The following ELAVL3 variants were observed in gnomAD, a reference collection of about 807,000 sequenced individuals.
ELAVL3 encodes the protein ELAV like RNA binding protein 3, also known as ELAV-like protein 3.
ELAVL3 carries 8 observed loss-of-function variants against 34.2 expected under a neutral mutation model. That is an observed-to-expected ratio of 0.23 (90% CI 0.14 to 0.42). The LOEUF is 0.42. Among genes scored for constraint, ELAVL3 ranks in the 10% least tolerant of loss-of-function variants. The pLI is 1.00. For synonymous variants in ELAVL3, 209 were observed against 222.1 expected (o/e 0.94, Z 0.53); for missense variants, 273 against 518.8 (o/e 0.53, Z 4.60).
At chr19:11,459,101 C>T (rs1280446505) in intron 3 of ELAVL3, among the ~76,000 whole-genome samples, 1 of 151,806 alleles carries the variant, frequency 6.6e-6, no homozygotes. Flanking sequence ...GCGCCCACCA[C>T]CACGCCTGAC....
rs554385350 is a variant in ELAVL3 at position 11,451,629 on chromosome 19, C to T, written c.*2897G>A. 6.6e-6 allele frequency: 1 copy of T among 151,772 alleles called. No individual in the cohort carries two copies. The allele number at this position is 151,772 out of a possible 1,614,324, so 9.4% of individuals were successfully genotyped here. ...GAGCCCCCTCCCCCCTGGCCTGGCC[C>T]CTGCCCCCCAGGGACGTGGAAGCCC... On this transcript the variant is annotated 3_prime_UTR_variant, in exon 7 of 7. Coordinates refer to ENST00000359227, the MANE Select transcript of ELAVL3 (RefSeq NM_001420.4).
chr19:11,465,669 AG>A (rs910418623), intron 3 of ELAVL3, among the ~76,000 whole-genome samples: 11 of 152,144 alleles, frequency 7.2e-5, no homozygotes, highest in South Asian at 6.2e-4. Context: ...GAACCCAGAG[AG>A]GGGGGTTTCC....
rs1970819432 is a variant in ELAVL3 at position 11,458,594 on chromosome 19, G to A, written c.351C>T (p.Pro117=). The change falls in exon 4 of 7, where the codon CCC becomes CCT. Residue 117 remains proline (P), a synonymous_variant. Transcript: ENST00000359227. This position sits in a 1 kb window ranked among gnomAD's most constrained non-coding sequence, Gnocchi z 7.3. ...TKTIKVSYAR[P]SSASIRDANL... The stretch of plus-strand genomic sequence containing the variant: ...TAGCATCCCGGATGGATGCTGAACT[G>A]GGTCTGGCATAGGACACCTGGGTGA... 1.9e-6 allele frequency: 3 copies of A among 1,613,894 alleles called. No individual in the cohort carries two copies. The highest frequency in any genetic ancestry group is 2.5e-6 in the Non-Finnish European group (3 of 1,180,004).
At position 11,451,470 on chromosome 19, in the gene ELAVL3, T is replaced by TC; in HGVS notation, c.*3055_*3056insG. 1 of 151,440 alleles carries TC rather than the reference T, an allele frequency of 6.6e-6. No individual in the cohort carries two copies. The highest frequency in any genetic ancestry group is 2.1e-4 in the South Asian group (1 of 4,828). The allele number at this position is 151,440 out of a possible 1,614,324, so 9.4% of individuals were successfully genotyped here. ...GCGAAGTGTTCTTGTTGGGTTTTTT[T>TC]TTTTTTTTTGTCTTTTGTTTTGTCT... On this transcript the variant is annotated 3_prime_UTR_variant, in exon 7 of 7. Transcript: ENST00000359227.
chr19:11,451,367 ATAAT>A lies in ELAVL3; in HGVS notation c.*3155_*3158del, dbSNP rs745322274. 4 of 152,040 alleles carry A rather than the reference ATAAT, an allele frequency of 2.6e-5. No individual in the cohort carries two copies. Among genetic ancestry groups the A allele is most frequent in the Non-Finnish European group, 2.9e-5 (2 of 68,040 alleles). The allele number at this position is 152,040 out of a possible 1,614,324, so 9.4% of individuals were successfully genotyped here. On this transcript the variant is annotated 3_prime_UTR_variant, in exon 7 of 7. Coordinates refer to ENST00000359227, the MANE Select transcript of ELAVL3 (RefSeq NM_001420.4). ...TTATTTTCTGGCATGAAAAGTACAAATAATTAAACAATTCCATGTAAAAGTCTGT... is the reference window on the plus strand; with the variant it reads ...TTATTTTCTGGCATGAAAAGTACAAATAAACAATTCCATGTAAAAGTCTGT...
chr19:11,468,901 A>G (rs56860864), intron 1 of ELAVL3, among the ~76,000 whole-genome samples: 5,414 of 152,024 alleles, frequency 0.036, 328 homozygotes, highest in African/African-American at 0.12. Context: ...TTTTACATCA[A>G]TTGAAACCAT....
rs937743064 is a variant in ELAVL3, at chr19:11,453,962, T to A, written c.*564A>T. 1 of 152,072 alleles carries A rather than the reference T, an allele frequency of 6.6e-6. No homozygotes were observed. Among genetic ancestry groups the A allele is most frequent in the Non-Finnish European group, 1.5e-5 (1 of 67,842 alleles). The allele number at this position is 152,072 out of a possible 1,614,324, so 9.4% of individuals were successfully genotyped here. A position where few individuals can be genotyped will look rare whatever the true frequency, so the allele number is the denominator to read the frequency against. On this transcript the variant is annotated 3_prime_UTR_variant, in exon 7 of 7. Transcript: ENST00000359227. The stretch of plus-strand genomic sequence containing the variant: ...TTTCTTCCCCTCCCACCCCCCTTTT[T>A]TTTTCATTTTGTTTCTGCTTCCAGC...
chr19:11,470,035 C>T (rs1050016694), intron 1 of ELAVL3, among the ~76,000 whole-genome samples: 56 of 151,788 alleles, frequency 3.7e-4, no homozygotes, highest in African/African-American at 1.2e-3. Flanking sequence ...CCTGCCTGGG[C>T]GACCGAGTGA....
chr19:11,469,813 T>A (rs1481887270), intron 1 of ELAVL3, among the ~76,000 whole-genome samples: 1 of 152,170 alleles, frequency 6.6e-6, no homozygotes, highest in Non-Finnish European at 1.5e-5. Flanking sequence ...ATTCCAGCAC[T>A]TTGGGAGGCC....
At chr19:11,455,111 G>A (rs184123462) in intron 6 of ELAVL3, among the ~76,000 whole-genome samples, 25 of 151,414 alleles carry the variant, frequency 1.7e-4, no homozygotes, top group African/African-American at 5.8e-4. Context: ...CAAACCTCCC[G>A]CCTCAGCCTC....
At position 11,462,107 on chromosome 19, in the gene ELAVL3, G is replaced by A. The variant is rs539020719; in HGVS notation, c.334-3496C>T. On this transcript the variant is annotated intron_variant, in intron 3 of 6. Coordinates refer to ENST00000359227, the MANE Select transcript of ELAVL3 (RefSeq NM_001420.4). ...GGAGAATGGCGTAAACCCAGGAGGC[G>A]GAGCTTGCAGTGAGCCGAGATCGCG... Among the ~76,000 whole-genome samples the A allele has an allele frequency of 3.4e-5, 5 of 147,886 alleles. No homozygotes were observed. The East Asian group carries it at 5.9e-4, about 18-fold the overall frequency.
intron 3 of ELAVL3, among the ~76,000 whole-genome samples, chr19:11,464,123 G>GTCTCTCTGTCTC (rs1555732392): frequency 1.8e-5 from 2 of 110,954 alleles, no homozygotes; most frequent in African/African-American, 8.0e-5. Context: ...GTCTCTCTCT[G>GTCTCTCTGTCTC]TCTCTCTCTC....
intron 3 of ELAVL3, among the ~76,000 whole-genome samples, chr19:11,465,000 C>CAT (rs1971003586): frequency 8.1e-6 from 1 of 124,104 alleles, no homozygotes; most frequent in African/African-American, 3.2e-5. Context: ...CACCACACAC[C>CAT]ACACACACAT....
chr19:11,468,225 C>T (rs1199909164), intron 1 of ELAVL3, among the ~76,000 whole-genome samples: 2 of 152,150 alleles, frequency 1.3e-5, no homozygotes, highest in African/African-American at 2.4e-5. Context: ...TAGTCATTTA[C>T]CTGCCTTCAT....
rs1970677265 is a variant in ELAVL3 at position 11,452,695 on chromosome 19, C to T, written c.*1831G>A. The stretch of plus-strand genomic sequence containing the variant: ...GGGGGCGCCATAGCCAGACACCAAA[C>T]GTGGGGACACCGGGGGAAGGCAACT... On this transcript the variant is annotated 3_prime_UTR_variant, in exon 7 of 7. Transcript: ENST00000359227. The T allele has an allele frequency of 6.6e-6, 1 of 151,232 alleles. No individual in the cohort carries two copies. Among genetic ancestry groups the T allele is most frequent in the Non-Finnish European group, 1.5e-5 (1 of 67,908 alleles). The allele number at this position is 151,232 out of a possible 1,614,324, so 9.4% of individuals were successfully genotyped here.
At chr19:11,457,938 C>T (rs1049144361) in intron 5 of ELAVL3, 123 bp downstream of exon 5, 3 of 1,013,148 alleles carry the variant, frequency 3.0e-6, no homozygotes, top group African/African-American at 1.6e-5. Context: ...GACAGATAGG[C>T]TCCTTGGCTC....
In ELAVL3 at chr19:11,451,531, C is replaced by T. The variant is rs1358905352; in HGVS notation, c.*2995G>A. ...TTTTTTTTTTACAGTTTTTTATCAC[C>T]TCCAACATGGACTCTGTCGTGATTT... On this transcript the variant is annotated 3_prime_UTR_variant, in exon 7 of 7. Coordinates refer to ENST00000359227, the MANE Select transcript of ELAVL3 (RefSeq NM_001420.4). 1.5e-5 allele frequency: 2 copies of T among 137,552 alleles called. No homozygotes were observed. The highest frequency in any genetic ancestry group is 5.5e-5 in the African/African-American group (2 of 36,384). The allele number at this position is 137,552 out of a possible 1,614,324, so 8.5% of individuals were successfully genotyped here.
chr19:11,467,336 T>C (rs693131), intron 1 of ELAVL3, among the ~76,000 whole-genome samples: 51,208 of 151,404 alleles, frequency 0.34, 12,572 homozygotes, highest in African/African-American at 0.7. Context: ...GCAGGAGAAT[T>C]GCTTGAACCC....
At chr19:11,459,320 G>A (rs1970836654) in intron 3 of ELAVL3, among the ~76,000 whole-genome samples, 1 of 151,778 alleles carries the variant, frequency 6.6e-6, no homozygotes, top group South Asian at 2.1e-4. Flanking sequence ...ATTTTTAGTA[G>A]AGACGGGTTT....
Sources: allele counts gnomAD v4.1 joint callset (sites outside exome capture counted in the v4.1 genomes callset), GRCh38; gene constraint gnomAD v4.1.1; non-coding constraint Gnocchi (gnomAD v3.1); transcripts MANE v1.5; gene names NCBI Gene and HGNC (gene_info 2026-07-23, HGNC 2026-07-21).